The following GRM7 variants were observed in gnomAD, a reference collection of about 807,000 sequenced individuals.
GRM7 encodes glutamate metabotropic receptor 7, also known as metabotropic glutamate receptor 7.
A neutral mutation model predicts 84.5 loss-of-function variants in GRM7; 35 were observed. The observed-to-expected ratio is 0.41, with a 90% CI of 0.32 to 0.55. GRM7 has a LOEUF of 0.55. GRM7 is among the 20% of genes least tolerant of loss of function. The probability of loss-of-function intolerance (pLI) is 0.19; values close to 1 mark genes in which losing one functional copy is unlikely to be tolerated. For missense variants in GRM7, 1,003 were observed against 1,194.6 expected, an observed-to-expected ratio of 0.84 and a Z score of 2.36; for synonymous variants, 487 against 455.1, an observed-to-expected ratio of 1.07 and a Z score of -0.89.
At chr3:7,211,995 C>T (rs949945579) in intron 2 of GRM7, among the ~76,000 whole-genome samples, 5 of 151,820 alleles carry the variant, frequency 3.3e-5, no homozygotes, top group African/African-American at 1.2e-4. Context: ...TCAGGCGTAG[C>T]TCTTTCTTCA....
chr3:7,504,147 G>C lies in GRM7; in HGVS notation c.1515+42425G>C, dbSNP rs1575426092. On this transcript the variant is annotated intron_variant, in intron 7 of 9. Coordinates refer to ENST00000357716, the MANE Select transcript of GRM7 (RefSeq NM_000844.4). ...TTGTGGTATAATACTTTTAGAGAAA[G>C]ATAATATCATTTTTGGAGTAGGATT... Among the ~76,000 whole-genome samples the C allele has an allele frequency of 2.0e-5, 3 of 152,286 alleles. No homozygotes were observed. The East Asian group carries it at 5.8e-4, about 29-fold the overall frequency.
At chr3:7,181,774 A>G (rs1017996662) in intron 2 of GRM7, among the ~76,000 whole-genome samples, 2 of 151,806 alleles carry the variant, frequency 1.3e-5, no homozygotes, top group East Asian at 3.9e-4. Flanking sequence ...ACACCCAGTT[A>G]TTTTTATTTT....
chr3:7,485,783 G>A (rs977495019), intron 7 of GRM7, among the ~76,000 whole-genome samples: 5 of 152,030 alleles, frequency 3.3e-5, no homozygotes, highest in African/African-American at 1.2e-4. Flanking sequence ...CTTATCTTTT[G>A]GAGCAAACCA....
intron 1 of GRM7, among the ~76,000 whole-genome samples, chr3:6,920,169 CTT>C (rs1360718967): frequency 6.6e-6 from 1 of 152,088 alleles, no homozygotes; most frequent in African/African-American, 2.4e-5. Context: ...CATTTATACT[CTT>C]TATTATTTAT....
chr3:7,732,364 A>T (rs1702361463), intron 9 of GRM7, among the ~76,000 whole-genome samples: 1 of 152,234 alleles, frequency 6.6e-6, no homozygotes, highest in South Asian at 2.1e-4. Flanking sequence ...TGTCAGAAAC[A>T]CACATGAGAA....
intron 2 of GRM7, among the ~76,000 whole-genome samples, chr3:7,225,839 A>T (rs1192478805): frequency 6.6e-6 from 1 of 152,024 alleles, no homozygotes; most frequent in Non-Finnish European, 1.5e-5. Flanking sequence ...TAGTGTGCAA[A>T]TGGTACCTGG....
intron 2 of GRM7, among the ~76,000 whole-genome samples, chr3:7,195,449 T>G (rs189085955): frequency 6.6e-6 from 1 of 152,290 alleles, no homozygotes; most frequent in East Asian, 1.9e-4. Context: ...ATGATTTTCT[T>G]AACTTCAGAA....
intron 4 of GRM7, among the ~76,000 whole-genome samples, chr3:7,331,749 CT>C (rs1180973412): frequency 1.3e-5 from 2 of 152,186 alleles, no homozygotes; most frequent in African/African-American, 2.4e-5. Context: ...TAAAAGCAGT[CT>C]CTTTTCTGCG....
At chr3:7,031,835 G>GCACAAA (rs1275406051) in intron 1 of GRM7, among the ~76,000 whole-genome samples, 2 of 152,024 alleles carry the variant, frequency 1.3e-5, no homozygotes, top group Non-Finnish European at 2.9e-5. Flanking sequence ...ACAAGGCCAA[G>GCACAAA]CACAAACAGG....
At chr3:7,231,113 C>G (rs945687147) in intron 2 of GRM7, among the ~76,000 whole-genome samples, 1 of 152,146 alleles carries the variant, frequency 6.6e-6, no homozygotes, top group Non-Finnish European at 1.5e-5. Context: ...AGGGCTCTGT[C>G]TGGCAAACTG....
intron 6 of GRM7, among the ~76,000 whole-genome samples, chr3:7,457,392 G>A (rs1454288106): frequency 6.6e-6 from 1 of 152,070 alleles, no homozygotes; most frequent in Non-Finnish European, 1.5e-5. Flanking sequence ...TCAAAGCAAA[G>A]TCCCAAGCCT....
chr3:7,362,425 A>C (rs1183684257), intron 4 of GRM7, among the ~76,000 whole-genome samples: 4 of 152,164 alleles, frequency 2.6e-5, no homozygotes, highest in African/African-American at 9.6e-5. Context: ...TTTGGTCAAT[A>C]TCTCAGCAGA....
chr3:7,625,882 A>G (rs1232839010), intron 8 of GRM7, among the ~76,000 whole-genome samples: 2 of 152,304 alleles, frequency 1.3e-5, no homozygotes, highest in East Asian at 3.9e-4. Flanking sequence ...TGCTGAAGAT[A>G]TCAGCAAAGG....
At chr3:7,079,954 G>T (rs1004843541) in intron 1 of GRM7, among the ~76,000 whole-genome samples, 1 of 152,094 alleles carries the variant, frequency 6.6e-6, no homozygotes, top group African/African-American at 2.4e-5. Context: ...GCCAGAGTTT[G>T]CTTAATGAAT....
At chr3:7,060,074 A>G (rs2324050) in intron 1 of GRM7, among the ~76,000 whole-genome samples, 36,459 of 151,666 alleles carry the variant, frequency 0.24, 4,765 homozygotes, top group African/African-American at 0.34. Flanking sequence ...AGAGAAGCAG[A>G]GGTTTTTGGA....
intron 4 of GRM7, among the ~76,000 whole-genome samples, chr3:7,378,660 G>C (rs1694458122): frequency 6.6e-6 from 1 of 151,868 alleles, no homozygotes; most frequent in Admixed American, 6.6e-5. Flanking sequence ...TTGTGTGTTT[G>C]GATAATATTG....
chr3:7,282,588 T>C (rs2124998154), intron 2 of GRM7, among the ~76,000 whole-genome samples: 1 of 152,314 alleles, frequency 6.6e-6, no homozygotes, highest in South Asian at 2.1e-4. Context: ...CTTTGTCATG[T>C]AAGGTAACAC....
chr3:7,228,651 CA>C (rs754397849), intron 2 of GRM7, among the ~76,000 whole-genome samples: 2 of 152,102 alleles, frequency 1.3e-5, no homozygotes, highest in Non-Finnish European at 2.9e-5. Context: ...GTCCTACTAA[CA>C]ATAAAAGTCT....
At chr3:7,013,007 C>T (rs575891911) in intron 1 of GRM7, among the ~76,000 whole-genome samples, 31 of 152,066 alleles carry the variant, frequency 2.0e-4, no homozygotes, top group African/African-American at 3.4e-4. Flanking sequence ...TCCAATACGC[C>T]GGGATTACAG....
Sources: gnomAD v4.1 joint callset for allele counts (sites outside exome capture counted in the v4.1 genomes callset) on GRCh38, gnomAD v4.1.1 for gene constraint, MANE v1.5 for transcripts, NCBI Gene and HGNC (gene_info 2026-07-23, HGNC 2026-07-21) for gene names.